PPP2R2C: variants seen among roughly 807,000 people sequenced by gnomAD.
PPP2R2C encodes protein phosphatase 2 regulatory subunit Bgamma.
In PPP2R2C, 10 loss-of-function variants were observed where a neutral mutation model predicts 45.3. The observed-to-expected ratio is 0.22, with a 90% CI of 0.14 to 0.37. The LOEUF (loss-of-function observed/expected upper bound fraction) is 0.37. Among genes scored for constraint, PPP2R2C ranks in the 10% least tolerant of loss-of-function variants. The pLI is 1.00. For missense variants in PPP2R2C, 308 were observed against 619.7 expected (o/e 0.50, Z 5.34); for synonymous variants, 257 against 245.4 (o/e 1.05, Z -0.44).
chr4:6,415,438 G>A (rs1459429247), intron 1 of PPP2R2C, among the ~76,000 whole-genome samples: 7 of 152,334 alleles, frequency 4.6e-5, no homozygotes, highest in Admixed American at 2.0e-4. Flanking sequence ...TCTGGGTCAC[G>A]GTGACAGTGA....
At chr4:6,371,341 A>G (rs1297440119) in intron 5 of PPP2R2C, among the ~76,000 whole-genome samples, 1 of 152,130 alleles carries the variant, frequency 6.6e-6, no homozygotes, top group Non-Finnish European at 1.5e-5. Flanking sequence ...TGGATCTCAG[A>G]CCACAAAAGC....
chr4:6,436,470 C>A (rs891610186), intron 1 of PPP2R2C, among the ~76,000 whole-genome samples: 1 of 152,216 alleles, frequency 6.6e-6, no homozygotes, highest in African/African-American at 2.4e-5. Flanking sequence ...AGCTATGGTT[C>A]CATCAAAGAT....
At chr4:6,382,374 T>C in intron 1 of PPP2R2C, 1 of 1,344,126 alleles carries the variant, frequency 7.4e-7, no homozygotes, top group Non-Finnish European at 9.8e-7. Context: ...TGACCGTTGC[T>C]CCCTGTAGCC....
At chr4:6,477,743 A>AAC (rs1199525201) in intron 2 of PPP2R2C, among the ~76,000 whole-genome samples, 1 of 151,200 alleles carries the variant, frequency 6.6e-6, no homozygotes. Flanking sequence ...AAAAAAAAAA[A>AAC]AAAAAAAAAA....
intron 1 of PPP2R2C, among the ~76,000 whole-genome samples, chr4:6,411,641 C>T (rs1293187849): frequency 6.6e-6 from 1 of 151,606 alleles, no homozygotes; most frequent in Non-Finnish European, 1.5e-5. Flanking sequence ...CAAGCTCCGC[C>T]TCCTGGGCTC....
chr4:6,397,439 A>G (rs1485279469), intron 1 of PPP2R2C, among the ~76,000 whole-genome samples: 1 of 151,276 alleles, frequency 6.6e-6, no homozygotes, highest in Non-Finnish European at 1.5e-5. Context: ...TCTCCCGGCC[A>G]AGGTGCAGGG....
At chr4:6,506,725 G>T (rs1292916961) in intron 2 of PPP2R2C, among the ~76,000 whole-genome samples, 3 of 152,214 alleles carry the variant, frequency 2.0e-5, no homozygotes, top group African/African-American at 7.2e-5. Flanking sequence ...TAGCTGAGCT[G>T]TTCCTTCTTG....
chr4:6,505,475 A>G (rs979887785), intron 2 of PPP2R2C, among the ~76,000 whole-genome samples: 1 of 152,250 alleles, frequency 6.6e-6, no homozygotes. Flanking sequence ...TCCATTCGAT[A>G]GCCATAGCAA....
intron 2 of PPP2R2C, among the ~76,000 whole-genome samples, chr4:6,530,062 A>T (rs1051399046): frequency 6.6e-6 from 1 of 152,118 alleles, no homozygotes; most frequent in Admixed American, 6.5e-5. Context: ...ACAAACCACA[A>T]GGCACCACGC....
intron 1 of PPP2R2C, among the ~76,000 whole-genome samples, chr4:6,425,108 C>T (rs1719211943): frequency 6.6e-6 from 1 of 152,148 alleles, no homozygotes; most frequent in Admixed American, 6.5e-5. Context: ...ATAGGGTTGC[C>T]GAGAGGATGA....
chr4:6,341,338 C>CAAA (rs10604483), intron 6 of PPP2R2C, among the ~76,000 whole-genome samples: 14 of 91,290 alleles, frequency 1.5e-4, no homozygotes, highest in African/African-American at 4.4e-4. Context: ...GACTCCATTT[C>CAAA]AAAAAAAAAA....
intron 6 of PPP2R2C, among the ~76,000 whole-genome samples, chr4:6,340,198 C>T (rs1186276309): frequency 2.6e-5 from 4 of 152,168 alleles, no homozygotes; most frequent in Non-Finnish European, 5.9e-5. Flanking sequence ...CCCCCAGGCC[C>T]GGCACGCTCT....
intron 1 of PPP2R2C, among the ~76,000 whole-genome samples, chr4:6,423,896 A>AAT (rs1302248700): frequency 1.5e-3 from 223 of 151,240 alleles, no homozygotes; most frequent in South Asian, 7.4e-3. Flanking sequence ...ATGTTTTGAG[A>AAT]GTGTGTTAGG....
intron 1 of PPP2R2C, among the ~76,000 whole-genome samples, chr4:6,461,823 T>C (rs1442927490): frequency 6.6e-6 from 1 of 152,208 alleles, no homozygotes; most frequent in Non-Finnish European, 1.5e-5. Context: ...CTGAGGGGTG[T>C]CTCCCCTACA....
chr4:6,534,556 C>T (rs1255054361), intron 2 of PPP2R2C, among the ~76,000 whole-genome samples: 1 of 151,904 alleles, frequency 6.6e-6, no homozygotes, highest in African/African-American at 2.4e-5. Flanking sequence ...AACATACATG[C>T]CCCACCATAC....
intron 1 of PPP2R2C, chr4:6,381,430 C>T: frequency 7.2e-7 from 1 of 1,398,294 alleles, no homozygotes; most frequent in Non-Finnish European, 9.4e-7. Context: ...TGGCCTCATC[C>T]TCCTGTCTTG....
At chr4:6,406,965 G>A (rs894704997) in intron 1 of PPP2R2C, among the ~76,000 whole-genome samples, 1 of 152,148 alleles carries the variant, frequency 6.6e-6, no homozygotes, top group African/African-American at 2.4e-5. Context: ...ACACAGAGGA[G>A]AAGACATGGG....
chr4:6,385,095 G>A (rs565064788), intron 1 of PPP2R2C, among the ~76,000 whole-genome samples: 27 of 152,090 alleles, frequency 1.8e-4, no homozygotes, highest in Non-Finnish European at 3.8e-4. Flanking sequence ...TAAAGCTCCC[G>A]GTCACCTGTG....
At chr4:6,372,010 T>C (rs949260089) in intron 5 of PPP2R2C, among the ~76,000 whole-genome samples, 1 of 152,170 alleles carries the variant, frequency 6.6e-6, no homozygotes, top group Non-Finnish European at 1.5e-5. Flanking sequence ...TAGCTTGCCC[T>C]GACACAGGAG....
Sources: gnomAD v4.1 joint callset for allele counts (sites outside exome capture counted in the v4.1 genomes callset) on GRCh38, gnomAD v4.1.1 for gene constraint, MANE v1.5 for transcripts, NCBI Gene and HGNC (gene_info 2026-07-23, HGNC 2026-07-21) for gene names.